SGK1: variants seen among roughly 807,000 people sequenced by gnomAD.
SGK1 encodes serine/threonine-protein kinase Sgk1.
Under a neutral mutation model 64.2 loss-of-function variants are expected in SGK1, and 26 were observed. The observed-to-expected ratio is 0.40, with a 90% confidence interval of 0.30 to 0.56. SGK1 has a LOEUF of 0.56. Ranked by LOEUF, SGK1 falls within the 20% of genes least tolerant of loss-of-function variation. The pLI, the probability that SGK1 is intolerant of heterozygous loss-of-function variation, is 0.38. For synonymous variants in SGK1, 265 were observed against 239.7 expected, an observed-to-expected ratio of 1.11 and a Z score of -0.98; for missense variants, 519 against 645.6, an observed-to-expected ratio of 0.80 and a Z score of 2.12.
chr6:134,285,834 G>A (rs928414431), intron 1 of SGK1, among the ~76,000 whole-genome samples: 1 of 151,852 alleles, frequency 6.6e-6, no homozygotes, highest in African/African-American at 2.4e-5. Flanking sequence ...TTTTTTTTAA[G>A]GGATAAAAAG....
chr6:134,176,050 A>T (rs1258262352), intron 3 of SGK1: 1 of 945,960 alleles, frequency 1.1e-6, no homozygotes, highest in South Asian at 4.9e-5. Flanking sequence ...TCCGCATGTA[A>T]TTTTTTTCCT....
intron 2 of SGK1, among the ~76,000 whole-genome samples, chr6:134,235,540 TTTTTATTTATTTA>T (rs1224612451): frequency 0.028 from 2,161 of 76,472 alleles, 49 homozygotes; most frequent in African/African-American, 0.055. Flanking sequence ...AAAATAGATA[TTTTTATTTATTTA>T]TTTATTTATT....
At chr6:134,267,446 C>T (rs1360881254) in intron 1 of SGK1, among the ~76,000 whole-genome samples, 2 of 151,814 alleles carry the variant, frequency 1.3e-5, no homozygotes, top group African/African-American at 2.4e-5. Flanking sequence ...TACAGATGCG[C>T]GCCACCACGT....
chr6:134,271,506 A>T (rs1776940183), intron 1 of SGK1, among the ~76,000 whole-genome samples: 1 of 147,776 alleles, frequency 6.8e-6, no homozygotes, highest in Non-Finnish European at 1.5e-5. Context: ...ATGCTGGTGT[A>T]ATCAGTGGAG....
intron 2 of SGK1, among the ~76,000 whole-genome samples, chr6:134,257,431 A>C (rs999696115): frequency 7.9e-5 from 12 of 152,168 alleles, no homozygotes; most frequent in African/African-American, 2.7e-4. Flanking sequence ...AAAACAAAAC[A>C]AAAAACCCAC....
At chr6:134,295,078 T>C (rs1426789632) in intron 1 of SGK1, among the ~76,000 whole-genome samples, 4 of 152,220 alleles carry the variant, frequency 2.6e-5, no homozygotes, top group Non-Finnish European at 5.9e-5. Flanking sequence ...ATGTAATTTT[T>C]TTTTTCATCC....
chr6:134,294,680 G>A lies in SGK1; in HGVS notation c.69+22712C>T, dbSNP rs573019964. ...CTCCTGAGTAGCTGGGATTACAGAT[G>A]TGCACCACCCCCCCAACCAGCTAAT... On this transcript the variant is annotated intron_variant, in intron 1 of 13. Coordinates refer to ENST00000367858, the MANE Select transcript of SGK1 (RefSeq NM_001143676.3). Among the ~76,000 whole-genome samples, 14 of 152,120 alleles carry A rather than the reference G, an allele frequency of 9.2e-5. 1 individual carries two copies. Among genetic ancestry groups the A allele is most frequent in the South Asian group, 8.3e-4 (4 of 4,812 alleles).
At chr6:134,221,948 C>T (rs948604374) in intron 2 of SGK1, among the ~76,000 whole-genome samples, 3 of 152,026 alleles carry the variant, frequency 2.0e-5, no homozygotes, top group Admixed American at 6.6e-5. Context: ...CTACCACGCC[C>T]GGCTGGCATT....
chr6:134,169,434 T>A lies in SGK1; in HGVS notation c.*834A>T, dbSNP rs1242291414. On this transcript the variant is annotated 3_prime_UTR_variant, in exon 14 of 14. Transcript: ENST00000367858. ...AATATACTAGTGTTATAACCCAATG[T>A]ACAGACGTTCTTTATACAATACATA... is the stretch of plus-strand genomic sequence containing the variant. 6.6e-6 allele frequency: 1 copy of A among 152,288 alleles called. No homozygotes were observed. The highest frequency in any genetic ancestry group is 1.5e-5 in the Non-Finnish European group (1 of 67,984). The allele number at this position is 152,288 out of a possible 1,614,324, so 9.4% of individuals were successfully genotyped here.
At chr6:134,257,664 G>A (rs1309505552) in intron 2 of SGK1, among the ~76,000 whole-genome samples, 1 of 152,104 alleles carries the variant, frequency 6.6e-6, no homozygotes, top group Non-Finnish European at 1.5e-5. Flanking sequence ...AACTAGCTGA[G>A]GCCTATCATA....
At chr6:134,310,223 G>A (rs906422871) in intron 1 of SGK1, among the ~76,000 whole-genome samples, 1 of 152,160 alleles carries the variant, frequency 6.6e-6, no homozygotes, top group African/African-American at 2.4e-5. Context: ...AAAAAATGGT[G>A]CAGAATTTCA....
chr6:134,292,335 G>C (rs1215461153), intron 1 of SGK1, among the ~76,000 whole-genome samples: 1 of 152,148 alleles, frequency 6.6e-6, no homozygotes, highest in African/African-American at 2.4e-5. Flanking sequence ...GCTCATGCCT[G>C]TAATCCCAAA....
chr6:134,270,141 G>A (rs1172246823), intron 1 of SGK1, among the ~76,000 whole-genome samples: 2 of 147,694 alleles, frequency 1.4e-5, no homozygotes, highest in Admixed American at 1.4e-4. Context: ...GGCTGATCTC[G>A]AACTCCTGAC....
intron 3 of SGK1, among the ~76,000 whole-genome samples, chr6:134,186,595 A>G (rs574236120): frequency 6.6e-6 from 1 of 152,110 alleles, no homozygotes; most frequent in East Asian, 1.9e-4. Flanking sequence ...TTCCTTTACC[A>G]CCCATTCTAT....
In SGK1 at chr6:134,170,101, G is replaced by A; in HGVS notation, c.*167C>T. ...CTCATGAGCTCACTGAGGAGAATGT[G>A]CTCTTCAAAAAGCTTCCAGCGAACA... On this transcript the variant is annotated 3_prime_UTR_variant, in exon 14 of 14. Coordinates refer to ENST00000367858, the MANE Select transcript of SGK1 (RefSeq NM_001143676.3). The A allele has an allele frequency of 4.0e-6, 2 of 504,200 alleles. No homozygotes were observed. Among genetic ancestry groups the A allele is most frequent in the South Asian group, 7.4e-5 (2 of 26,970 alleles). The allele number at this position is 504,200 out of a possible 1,614,324, so 31.2% of individuals were successfully genotyped here.
intron 1 of SGK1, among the ~76,000 whole-genome samples, chr6:134,276,071 A>G (rs1777013012): frequency 6.6e-6 from 1 of 152,170 alleles, no homozygotes; most frequent in Non-Finnish European, 1.5e-5. Flanking sequence ...TTCCTAGCTT[A>G]TTCCTGCTCT....
intron 1 of SGK1, among the ~76,000 whole-genome samples, chr6:134,265,137 T>C (rs1365538953): frequency 6.6e-6 from 1 of 152,212 alleles, no homozygotes; most frequent in African/African-American, 2.4e-5. Context: ...AACTGTTTAA[T>C]TGCTATAATC....
At chr6:134,238,557 C>T (rs1275438106) in intron 2 of SGK1, among the ~76,000 whole-genome samples, 1 of 146,700 alleles carries the variant, frequency 6.8e-6, no homozygotes. Flanking sequence ...AATATTAATT[C>T]TCTCACATGA....
chr6:134,186,092 C>G (rs1047679267), intron 3 of SGK1, among the ~76,000 whole-genome samples: 12 of 152,190 alleles, frequency 7.9e-5, no homozygotes, highest in Non-Finnish European at 1.2e-4. Flanking sequence ...CTACGTATTC[C>G]TTAATCCAGT....
Sources: allele counts gnomAD v4.1 joint callset (sites outside exome capture counted in the v4.1 genomes callset), GRCh38; gene constraint gnomAD v4.1.1; transcripts MANE v1.5; gene names NCBI Gene and HGNC (gene_info 2026-07-23, HGNC 2026-07-21).